The following NCF4 variants were observed in gnomAD, a reference collection of about 807,000 sequenced individuals.
The protein encoded by NCF4 is neutrophil cytosol factor 4.
In NCF4, 30 loss-of-function variants were observed where a neutral mutation model predicts 41.7. That is an observed-to-expected ratio of 0.72 (90% CI 0.54 to 0.97). The LOEUF (loss-of-function observed/expected upper bound fraction) is 0.97, where lower values mean the gene tolerates loss of function less well. Among genes scored for constraint, NCF4 ranks in the 50% least tolerant of loss-of-function variants. The pLI is 0.00. For synonymous variants in NCF4, 195 were observed against 175.8 expected, an observed-to-expected ratio of 1.11 and a Z score of -0.87; for missense variants, 432 against 460.9, an observed-to-expected ratio of 0.94 and a Z score of 0.57.
intron 4 of NCF4, among the ~76,000 whole-genome samples, chr22:36,869,411 C>T (rs559507470): frequency 1.2e-3 from 184 of 152,332 alleles, no homozygotes; most frequent in Non-Finnish European, 1.5e-3. Context: ...CAGCTGGTGA[C>T]AGGCAGAGCT....
At position 36,871,725 on chromosome 22, in the gene NCF4, A is replaced by T; in HGVS notation, c.528+16A>T. On this transcript the variant is annotated intron_variant, in intron 6 of 9. Coordinates refer to ENST00000248899, the MANE Select transcript of NCF4 (RefSeq NM_000631.5). ...GAGAGCAGAGGTAACCCCCGCCCCC[A>T]CGCTGGCCAGGCTCTCACACTGTGG... The T allele has an allele frequency of 1.3e-6, 2 of 1,554,474 alleles. No homozygotes were observed. The highest frequency in any genetic ancestry group is 1.7e-6 in the Non-Finnish European group (2 of 1,148,534).
Position 36,867,377 on chromosome 22 carries a change from T to G in NCF4, c.272-15T>G. On this transcript the variant is annotated splice_polypyrimidine_tract_variant and intron_variant, in intron 3 of 9. Transcript: ENST00000248899. The stretch of plus-strand genomic sequence containing the variant: ...TTGGGCCAGGCTCCTAGGACAGCTC[T>G]TTGTCTCTTCTCAGCCAAAGTCTAC... 6.2e-7 allele frequency: 1 copy of G among 1,614,074 alleles called. No individual in the cohort carries two copies. Among genetic ancestry groups the G allele is most frequent in the Non-Finnish European group, 8.5e-7 (1 of 1,180,006 alleles).
At position 36,865,651 on chromosome 22, in the gene NCF4, G is replaced by C. The variant is rs554418683; in HGVS notation, c.271+579G>C. 4.6e-5 allele frequency among the ~76,000 whole-genome samples: 7 copies of C among 152,244 alleles called. 1 individual carries two copies. In the South Asian group the frequency reaches 1.5e-3, roughly 32 times the overall value. ...CTTGGACAGCGCCAAGCCCTTAGCT[G>C]CTCAGCACCTGCCCCGCAGGAGGAA... is the stretch of plus-strand genomic sequence containing the variant. On this transcript the variant is annotated intron_variant, in intron 3 of 9. Transcript: ENST00000248899. This position sits in a 1 kb window ranked among gnomAD's most constrained non-coding sequence, Gnocchi z 4.3.
intron 7 of NCF4, 40 bp downstream of exon 7, chr22:36,872,465 A>T: frequency 6.8e-7 from 1 of 1,471,728 alleles, no homozygotes; most frequent in South Asian, 1.2e-5. Context: ...ATTGAAGGTG[A>T]GGTTGGAGGG....
intron 4 of NCF4, among the ~76,000 whole-genome samples, chr22:36,869,010 T>C (rs1278200303): frequency 2.0e-5 from 3 of 152,174 alleles, no homozygotes; most frequent in Non-Finnish European, 4.4e-5. Flanking sequence ...CACATGATAA[T>C]GACAACTGCC....
rs961317486 is a variant in NCF4 at position 36,866,606 on chromosome 22, C to G, written c.272-786C>G. 3.7e-4 allele frequency among the ~76,000 whole-genome samples: 57 copies of G among 152,212 alleles called. 1 individual carries two copies. The highest frequency in any genetic ancestry group is 3.4e-3 in the Middle Eastern group (1 of 294). ...CCTAACTCCCAATGTCTAGCTCTAG[C>G]CCAGACCCTCCTACCGCCGCCGCCA... is the stretch of plus-strand genomic sequence containing the variant. On this transcript the variant is annotated intron_variant, in intron 3 of 9. Transcript: ENST00000248899.
intron 5 of NCF4, 45 bp downstream of exon 5, chr22:36,870,587 T>C (rs1410577550): frequency 1.2e-6 from 2 of 1,603,260 alleles, no homozygotes; most frequent in Non-Finnish European, 1.7e-6. Flanking sequence ...GAGCCCTGGG[T>C]CCCTGCTGGA....
intron 1 of NCF4, 107 bp downstream of exon 1, chr22:36,861,310 G>A (rs1248318259): frequency 2.1e-6 from 3 of 1,408,950 alleles, no homozygotes; most frequent in Non-Finnish European, 9.8e-7. Flanking sequence ...AGAGGCTGGG[G>A]TTGAGTCAGA....
intron 4 of NCF4, chr22:36,870,131 C>T (rs1299776965): frequency 6.3e-6 from 3 of 477,866 alleles, no homozygotes; most frequent in East Asian, 4.2e-5. Context: ...GTTGTCATCA[C>T]CATTACTGCT....
Position 36,875,590 on chromosome 22 carries a change from T to A in NCF4, c.628-63T>A, listed in dbSNP as rs554370159. 6.0e-5 allele frequency: 89 copies of A among 1,494,202 alleles called. No individual in the cohort carries two copies. In the African/African-American group the frequency reaches 1.0e-3, roughly 17 times the overall value. The allele number at this position is 1,494,202 out of a possible 1,614,324, so 92.6% of individuals were successfully genotyped here. On this transcript the variant is annotated intron_variant, in intron 7 of 9. Coordinates refer to ENST00000248899, the MANE Select transcript of NCF4 (RefSeq NM_000631.5). Reference sequence around the variant, plus strand: ...CCATCACTAGAACGGGGCTGAGGGCTCTGAGGCGTGGCTCTGCTGCCTCTC... The same window carrying A: ...CCATCACTAGAACGGGGCTGAGGGCACTGAGGCGTGGCTCTGCTGCCTCTC...
intron 7 of NCF4, among the ~76,000 whole-genome samples, chr22:36,872,691 A>AGGTTGGAGGTGAGATTGGAGGTG (rs1940094087): frequency 2.0e-4 from 5 of 24,814 alleles, no homozygotes; most frequent in Non-Finnish European, 4.1e-4. Flanking sequence ...GATTGGAGGT[A>AGGTTGGAGGTGAGATTGGAGGTG]AGGTTGGAGG....
At chr22:36,868,748 C>T (rs1328110742) in intron 4 of NCF4, among the ~76,000 whole-genome samples, 1 of 152,184 alleles carries the variant, frequency 6.6e-6, no homozygotes, top group Non-Finnish European at 1.5e-5. Context: ...GTCTTAGCAA[C>T]CAGCAGCCCA....
intron 7 of NCF4, among the ~76,000 whole-genome samples, chr22:36,874,463 A>G (rs1332678753): frequency 6.6e-6 from 1 of 152,208 alleles, no homozygotes; most frequent in Non-Finnish European, 1.5e-5. Context: ...CCAGTTTAGC[A>G]GTTTCCATTT....
intron 2 of NCF4, 114 bp downstream of exon 2, chr22:36,864,243 T>G (rs541796427): frequency 2.2e-6 from 2 of 926,090 alleles, no homozygotes; most frequent in Non-Finnish European, 3.6e-6. Flanking sequence ...TTAACTTCTA[T>G]CTCAGTGGTT....
At chr22:36,861,305 C>A in intron 1 of NCF4, 102 bp downstream of exon 1, 1 of 1,431,524 alleles carries the variant, frequency 7.0e-7, no homozygotes, top group Non-Finnish European at 9.6e-7. Context: ...ACATGAGAGG[C>A]TGGGGTTGAG....
chr22:36,877,426 C>G (rs1043267489), intron 9 of NCF4, among the ~76,000 whole-genome samples: 1 of 152,164 alleles, frequency 6.6e-6, no homozygotes, highest in Non-Finnish European at 1.5e-5. Flanking sequence ...CGTGAGCCAC[C>G]GCACCCAGCC....
intron 4 of NCF4, among the ~76,000 whole-genome samples, chr22:36,869,344 T>C (rs2284029): frequency 0.11 from 16,312 of 152,198 alleles, 1,656 homozygotes; most frequent in African/African-American, 0.26. Context: ...AGGGAGAGGC[T>C]ATTATTGTCC....
At chr22:36,867,885 C>A (rs558176346) in intron 4 of NCF4, among the ~76,000 whole-genome samples, 1 of 152,264 alleles carries the variant, frequency 6.6e-6, no homozygotes, top group Non-Finnish European at 1.5e-5. Flanking sequence ...CCAAGCAGGC[C>A]GCAGGTTGCT....
chr22:36,865,707 G>C lies in NCF4; in HGVS notation c.271+635G>C, dbSNP rs1021336309. Among the ~76,000 whole-genome samples the C allele has an allele frequency of 2.0e-5, 3 of 152,192 alleles. No homozygotes were observed. Among genetic ancestry groups the C allele is most frequent in the Admixed American group, 2.0e-4 (3 of 15,280 alleles). The stretch of plus-strand genomic sequence containing the variant: ...ATCACGAATGGGTTACACGGGGGTG[G>C]TCTCAGCGGCGCCCTTCGTGCCCTG... On this transcript the variant is annotated intron_variant, in intron 3 of 9. Transcript: ENST00000248899. The surrounding 1 kb of genome is among the most constrained non-coding windows in gnomAD (Gnocchi z 4.3).
Sources: gnomAD v4.1 joint callset for allele counts (sites outside exome capture counted in the v4.1 genomes callset) on GRCh38, gnomAD v4.1.1 for gene constraint, Gnocchi (gnomAD v3.1) non-coding constraint, MANE v1.5 for transcripts, NCBI Gene and HGNC (gene_info 2026-07-23, HGNC 2026-07-21) for gene names.